CDKAL1: variants seen among roughly 807,000 people sequenced by gnomAD.
CDKAL1 encodes the protein CDKAL1 threonylcarbamoyladenosine tRNA methylthiotransferase, also known as threonylcarbamoyladenosine tRNA methylthiotransferase.
In CDKAL1, 32 loss-of-function variants were observed where a neutral mutation model predicts 68.2. The observed-to-expected ratio is 0.47, with a 90% CI of 0.35 to 0.63. CDKAL1 has a LOEUF of 0.63. CDKAL1 is among the 30% of genes least tolerant of loss of function. CDKAL1 has a pLI of 0.00. For synonymous variants in CDKAL1, 234 were observed against 244.3 expected, an observed-to-expected ratio of 0.96 and a Z score of 0.39; for missense variants, 606 against 696.7, an observed-to-expected ratio of 0.87 and a Z score of 1.47.
At chr6:20,656,396 AG>A (rs1769026542) in intron 5 of CDKAL1, among the ~76,000 whole-genome samples, 3 of 152,160 alleles carry the variant, frequency 2.0e-5, no homozygotes, top group Non-Finnish European at 4.4e-5. Context: ...GAGGGGAGTT[AG>A]GGTCAAGTTT....
intron 9 of CDKAL1, among the ~76,000 whole-genome samples, chr6:20,951,799 C>T (rs1764535680): frequency 6.6e-6 from 1 of 152,032 alleles, no homozygotes; most frequent in Admixed American, 6.6e-5. Flanking sequence ...GTAAAATCTT[C>T]CCTTGGATGC....
chr6:20,602,427 T>C (rs549222614), intron 4 of CDKAL1, among the ~76,000 whole-genome samples: 1 of 152,328 alleles, frequency 6.6e-6, no homozygotes, highest in South Asian at 2.1e-4. Context: ...TTCAAGGGAT[T>C]GGACTCCTTC....
intron 7 of CDKAL1, among the ~76,000 whole-genome samples, chr6:20,759,108 C>T (rs1774359115): frequency 6.6e-6 from 1 of 152,124 alleles, no homozygotes; most frequent in African/African-American, 2.4e-5. Flanking sequence ...AACTGCACTC[C>T]AGCCTGAGCA....
chr6:20,602,267 A>G (rs1766136603), intron 4 of CDKAL1, among the ~76,000 whole-genome samples: 1 of 152,174 alleles, frequency 6.6e-6, no homozygotes, highest in South Asian at 2.1e-4. Flanking sequence ...ATCAGTCAGC[A>G]TATAAGGGAA....
chr6:20,846,183 G>A lies in CDKAL1; in HGVS notation c.742+5G>A. On this transcript the variant is annotated splice_donor_5th_base_variant and intron_variant, in intron 9 of 15. Coordinates refer to ENST00000274695, the MANE Select transcript of CDKAL1 (RefSeq NM_017774.3). ...GAGCCAAACAATCTTTTCAAGGTAA[G>A]AGTTTCTAGAATTATATGTGAAATT... is the stretch of plus-strand genomic sequence containing the variant. 4 of 1,531,442 alleles carry A rather than the reference G, an allele frequency of 2.6e-6. No individual in the cohort carries two copies. Among genetic ancestry groups the A allele is most frequent in the Non-Finnish European group, 2.7e-6 (3 of 1,108,598 alleles). 94.9% of individuals were successfully genotyped at this position (1,531,442 alleles called of 1,614,324 possible).
intron 11 of CDKAL1, among the ~76,000 whole-genome samples, chr6:21,003,806 G>A (rs553295242): frequency 5.3e-5 from 8 of 152,092 alleles, no homozygotes; most frequent in African/African-American, 1.9e-4. Context: ...TCTTGGAGGG[G>A]CCTAACACTA....
At chr6:20,742,620 T>A (rs912370646) in intron 6 of CDKAL1, among the ~76,000 whole-genome samples, 2 of 152,040 alleles carry the variant, frequency 1.3e-5, no homozygotes, top group South Asian at 4.1e-4. Context: ...ATTATTGTAT[T>A]TAAGAATTTT....
chr6:21,229,006 T>C (rs1034521949), intron 15 of CDKAL1, among the ~76,000 whole-genome samples: 1 of 152,176 alleles, frequency 6.6e-6, no homozygotes, highest in Non-Finnish European at 1.5e-5. Flanking sequence ...TGTCCAGCTG[T>C]GTGCCTCCTT....
intron 8 of CDKAL1, among the ~76,000 whole-genome samples, chr6:20,794,781 C>G (rs891763771): frequency 6.6e-6 from 1 of 152,122 alleles, no homozygotes; most frequent in African/African-American, 2.4e-5. Context: ...AGAGGTTACT[C>G]TCACAGGTGA....
intron 8 of CDKAL1, among the ~76,000 whole-genome samples, chr6:20,833,331 C>T (rs1777796436): frequency 6.6e-6 from 1 of 152,116 alleles, no homozygotes; most frequent in South Asian, 2.1e-4. Flanking sequence ...GTAGTTCGCA[C>T]CTTTTGCTCC....
At chr6:20,849,543 A>G (rs1758891907) in intron 9 of CDKAL1, among the ~76,000 whole-genome samples, 2 of 146,830 alleles carry the variant, frequency 1.4e-5, no homozygotes, top group African/African-American at 5.0e-5. Context: ...AGATTGCGCC[A>G]CTGAACTCGA....
At chr6:20,562,712 A>T (rs1192067779) in intron 4 of CDKAL1, among the ~76,000 whole-genome samples, 1 of 152,154 alleles carries the variant, frequency 6.6e-6, no homozygotes, top group African/African-American at 2.4e-5. Context: ...ACTACACTCC[A>T]GCCTGGGCAA....
rs557559291 is a variant in CDKAL1 at position 21,010,898 on chromosome 6, A to G, written c.1055+10526A>G. ...GGAGATCGAGACCATCCTGGCTAAC[A>G]TGGTGAACCCTGTCTCTACTAAAAA... On this transcript the variant is annotated intron_variant, in intron 11 of 15. Coordinates refer to ENST00000274695, the MANE Select transcript of CDKAL1 (RefSeq NM_017774.3). Among the ~76,000 whole-genome samples, 6 of 152,000 alleles carry G rather than the reference A, an allele frequency of 3.9e-5. No homozygotes were observed. The South Asian group carries it at 1.2e-3, about 32-fold the overall frequency.
chr6:20,537,109 G>A (rs552670721), intron 2 of CDKAL1, among the ~76,000 whole-genome samples: 1 of 152,014 alleles, frequency 6.6e-6, no homozygotes, highest in East Asian at 1.9e-4. Context: ...GCGTGATCTC[G>A]GCTCACTGCA....
chr6:20,669,624 C>T (rs1769716937), intron 5 of CDKAL1, among the ~76,000 whole-genome samples: 1 of 152,112 alleles, frequency 6.6e-6, no homozygotes, highest in Non-Finnish European at 1.5e-5. Flanking sequence ...TTTTTAAATG[C>T]AGAGTTCAGC....
At chr6:20,670,008 A>G (rs768850641) in intron 5 of CDKAL1, among the ~76,000 whole-genome samples, 1 of 152,166 alleles carries the variant, frequency 6.6e-6, no homozygotes, top group Non-Finnish European at 1.5e-5. Flanking sequence ...CTTTGATTTT[A>G]CTTCAACTGG....
chr6:20,827,110 C>T (rs527308453), intron 8 of CDKAL1, among the ~76,000 whole-genome samples: 1 of 152,212 alleles, frequency 6.6e-6, no homozygotes, highest in South Asian at 2.1e-4. Context: ...TCAAAATCGT[C>T]TTTATTTCCC....
intron 7 of CDKAL1, among the ~76,000 whole-genome samples, chr6:20,775,157 C>T (rs1230565752): frequency 2.0e-5 from 3 of 152,108 alleles, no homozygotes; most frequent in Non-Finnish European, 4.4e-5. Flanking sequence ...AGTCACTTTA[C>T]ATATTTATCA....
intron 13 of CDKAL1, among the ~76,000 whole-genome samples, chr6:21,176,240 C>G (rs983730880): frequency 6.6e-6 from 1 of 152,138 alleles, no homozygotes; most frequent in Non-Finnish European, 1.5e-5. Context: ...AGGTTTAACC[C>G]TTGATTCTTA....
Sources: gnomAD v4.1 joint callset for allele counts (sites outside exome capture counted in the v4.1 genomes callset) on GRCh38, gnomAD v4.1.1 for gene constraint, MANE v1.5 for transcripts, NCBI Gene and HGNC (gene_info 2026-07-23, HGNC 2026-07-21) for gene names.